MAP2K5: variants seen among roughly 807,000 people sequenced by gnomAD.
MAP2K5 encodes the protein mitogen-activated protein kinase kinase 5.
MAP2K5 carries 49 observed loss-of-function variants against 83.1 expected under a neutral mutation model. The observed-to-expected ratio is 0.59, with a 90% confidence interval of 0.47 to 0.75. The LOEUF (loss-of-function observed/expected upper bound fraction) is 0.75, where lower values mean the gene tolerates loss of function less well. Ranked by LOEUF, MAP2K5 falls within the 30% of genes least tolerant of loss-of-function variation. The pLI is 0.00. For missense variants in MAP2K5, 457 were observed against 557.5 expected (o/e 0.82, Z 1.82); for synonymous variants, 202 against 191.8 (o/e 1.05, Z -0.44).
intron 19 of MAP2K5, among the ~76,000 whole-genome samples, chr15:67,766,348 T>C (rs1286619822): frequency 6.6e-6 from 1 of 152,242 alleles, no homozygotes; most frequent in Admixed American, 6.5e-5. Flanking sequence ...AGGTGAGGTA[T>C]GGCACCCAAG....
chr15:67,770,879 A>T lies in MAP2K5; in HGVS notation c.1196+1216A>T, dbSNP rs570169725. 6.6e-6 allele frequency among the ~76,000 whole-genome samples: 1 copy of T among 152,326 alleles called. No homozygotes were observed. Among genetic ancestry groups the T allele is most frequent in the Non-Finnish European group, 1.5e-5 (1 of 68,028 alleles). On this transcript the variant is annotated intron_variant, in intron 20 of 21. Transcript: ENST00000178640. The surrounding 1 kb of genome is among the most constrained non-coding windows in gnomAD (Gnocchi z 5.0). ...TGTGAGGAAGAAATTTTTCTCCCCA[A>T]TTAAAAAAATTTTATTAACACTGTT...
chr15:67,763,927 G>T (rs2089997339), intron 19 of MAP2K5, among the ~76,000 whole-genome samples: 1 of 152,188 alleles, frequency 6.6e-6, no homozygotes, highest in African/African-American at 2.4e-5. Context: ...ACATTGTTGG[G>T]CCAGGGCAAA....
At position 67,652,522 on chromosome 15, in the gene MAP2K5, A is replaced by T. The variant is rs1466319363; in HGVS notation, c.737-6031A>T. ...GGAACTTAGAGTGAGAGTTCACTTA[A>T]TTTTGTGAGAATGACACCAAGTCTT... On this transcript the variant is annotated intron_variant, in intron 11 of 21. Coordinates refer to ENST00000178640, the MANE Select transcript of MAP2K5 (RefSeq NM_145160.3). This position sits in a 1 kb window ranked among gnomAD's most constrained non-coding sequence, Gnocchi z 4.2. 3.9e-5 allele frequency among the ~76,000 whole-genome samples: 6 copies of T among 152,128 alleles called. No homozygotes were observed. The highest frequency in any genetic ancestry group is 1.4e-4 in the African/African-American group (6 of 41,414).
chr15:67,684,123 G>A (rs2087889311), intron 13 of MAP2K5, among the ~76,000 whole-genome samples: 1 of 152,196 alleles, frequency 6.6e-6, no homozygotes, highest in Admixed American at 6.5e-5. Flanking sequence ...TTGCATAGGA[G>A]TTCCCTTGCG....
chr15:67,584,172 G>A (rs114806907), intron 4 of MAP2K5, among the ~76,000 whole-genome samples: 1 of 152,298 alleles, frequency 6.6e-6, no homozygotes, highest in African/African-American at 2.4e-5. Flanking sequence ...TAATAAGTGT[G>A]AACATTGACT....
intron 8 of MAP2K5, chr15:67,628,097 T>C (rs1172508794): frequency 2.6e-6 from 2 of 760,838 alleles, no homozygotes; most frequent in African/African-American, 1.7e-5. Flanking sequence ...ACGGAAGAGC[T>C]GTGGGAACAA....
intron 16 of MAP2K5, among the ~76,000 whole-genome samples, chr15:67,726,496 G>A (rs2089099391): frequency 6.6e-6 from 1 of 152,166 alleles, no homozygotes; most frequent in Non-Finnish European, 1.5e-5. Flanking sequence ...AAATGAAATA[G>A]GTATTCTGTT....
At chr15:67,624,606 T>C (rs1274915960) in intron 8 of MAP2K5, among the ~76,000 whole-genome samples, 5 of 132,800 alleles carry the variant, frequency 3.8e-5, no homozygotes, top group African/African-American at 1.4e-4. Flanking sequence ...TGTGTGTGTG[T>C]GTGTGTGTGT....
At chr15:67,679,770 A>C (rs1358854338) in intron 13 of MAP2K5, 1 of 152,224 alleles carries the variant, frequency 6.6e-6, no homozygotes, top group South Asian at 2.1e-4. Flanking sequence ...ATTAGTAATT[A>C]GTCATGGTAA....
chr15:67,549,562 G>T (rs79648152), intron 1 of MAP2K5, among the ~76,000 whole-genome samples: 1 of 152,180 alleles, frequency 6.6e-6, no homozygotes, highest in African/African-American at 2.4e-5. Context: ...ATGTTTATTA[G>T]ATTAATTTTT....
chr15:67,799,947 G>A (rs2045962), intron 21 of MAP2K5, among the ~76,000 whole-genome samples: 13,082 of 152,180 alleles, frequency 0.086, 708 homozygotes, highest in Admixed American at 0.1. Flanking sequence ...AGTGGGGGGC[G>A]GTGGGGGGGA....
chr15:67,597,186 G>GAA (rs58243841), intron 7 of MAP2K5, among the ~76,000 whole-genome samples: 29 of 143,466 alleles, frequency 2.0e-4, no homozygotes, highest in African/African-American at 2.3e-4. Context: ...AAAAAAAAAA[G>GAA]AAAAAAAAAA....
chr15:67,640,534 C>G lies in MAP2K5; in HGVS notation c.586-5697C>G, dbSNP rs1342712130. The G allele has an allele frequency of 1.0e-6, 1 of 975,850 alleles. No homozygotes were observed. Among genetic ancestry groups the G allele is most frequent in the Non-Finnish European group, 1.2e-6 (1 of 821,372 alleles). The allele number at this position is 975,850 out of a possible 1,614,324, so 60.4% of individuals were successfully genotyped here. A position where few individuals can be genotyped will look rare whatever the true frequency, so the allele number is the denominator to read the frequency against. ...TGTCACAGAGGATTGTGAAGAGCAGCAAATCACAGTCCTTGTCCAAACTGA... is the reference window on the plus strand; with the variant it reads ...TGTCACAGAGGATTGTGAAGAGCAGGAAATCACAGTCCTTGTCCAAACTGA... On this transcript the variant is annotated intron_variant, in intron 9 of 21. Transcript: ENST00000178640. This position sits in a 1 kb window ranked among gnomAD's most constrained non-coding sequence, Gnocchi z 4.6.
At chr15:67,671,819 C>G (rs1257943401) in intron 13 of MAP2K5, among the ~76,000 whole-genome samples, 9 of 115,902 alleles carry the variant, frequency 7.8e-5, no homozygotes, top group African/African-American at 2.6e-4. Flanking sequence ...CCCCTCCCCC[C>G]ACCCCACAAC....
chr15:67,644,166 G>A lies in MAP2K5; in HGVS notation c.586-2065G>A, dbSNP rs912985563. ...CCCAGCACTTTGGGAGGCTGAGGCA[G>A]GTGGATCACCTGAGGTCAGGAATTC... is the stretch of plus-strand genomic sequence containing the variant. On this transcript the variant is annotated intron_variant, in intron 9 of 21. Coordinates refer to ENST00000178640, the MANE Select transcript of MAP2K5 (RefSeq NM_145160.3). This position sits in a 1 kb window ranked among gnomAD's most constrained non-coding sequence, Gnocchi z 4.6. 6.6e-6 allele frequency among the ~76,000 whole-genome samples: 1 copy of A among 152,128 alleles called. No individual in the cohort carries two copies. Among genetic ancestry groups the A allele is most frequent in the Admixed American group, 6.5e-5 (1 of 15,274 alleles).
At chr15:67,582,339 C>T (rs1411713429) in intron 4 of MAP2K5, among the ~76,000 whole-genome samples, 3 of 152,102 alleles carry the variant, frequency 2.0e-5, no homozygotes, top group Admixed American at 6.5e-5. Flanking sequence ...GGATTACAGG[C>T]GTGAGCCACC....
At chr15:67,580,647 T>C (rs771865468) in intron 3 of MAP2K5, 107 bp from the exon 4 acceptor site, 4 of 739,174 alleles carry the variant, frequency 5.4e-6, no homozygotes, top group Non-Finnish European at 9.7e-6. Context: ...AAGGCTGATA[T>C]GTATATACCA....
At chr15:67,596,111 T>C (rs918124753) in intron 7 of MAP2K5, among the ~76,000 whole-genome samples, 12 of 152,204 alleles carry the variant, frequency 7.9e-5, no homozygotes, top group African/African-American at 2.9e-4. Flanking sequence ...GGCTGTTATT[T>C]TGATAACTTC....
Position 67,774,063 on chromosome 15 carries a change from G to A in MAP2K5, c.1242+1311G>A, listed in dbSNP as rs373717251. 3.3e-5 allele frequency among the ~76,000 whole-genome samples: 5 copies of A among 152,218 alleles called. No homozygotes were observed. The highest frequency in any genetic ancestry group is 3.9e-4 in the East Asian group (2 of 5,180). ...CACACATACGCCCATAAATGTATAT[G>A]GATGTATATGTTGGTAAGGAACACC... is the stretch of plus-strand genomic sequence containing the variant. On this transcript the variant is annotated intron_variant, in intron 21 of 21. Coordinates refer to ENST00000178640, the MANE Select transcript of MAP2K5 (RefSeq NM_145160.3). The surrounding 1 kb of genome is among the most constrained non-coding windows in gnomAD (Gnocchi z 4.9).
Sources: gnomAD v4.1 joint callset for allele counts (sites outside exome capture counted in the v4.1 genomes callset) on GRCh38, gnomAD v4.1.1 for gene constraint, Gnocchi (gnomAD v3.1) non-coding constraint, MANE v1.5 for transcripts, NCBI Gene and HGNC (gene_info 2026-07-23, HGNC 2026-07-21) for gene names.